Variants in PHTF2 observed in about 807,000 individuals in gnomAD.
PHTF2 encodes the protein putative homeodomain transcription factor 2, also known as protein PHTF2.
A neutral mutation model predicts 101.2 loss-of-function variants in PHTF2; 60 were observed. The ratio of observed to expected loss-of-function variants is 0.59; its 90% CI spans 0.48 to 0.73. The LOEUF (loss-of-function observed/expected upper bound fraction) is 0.73. Among genes scored for constraint, PHTF2 ranks in the 30% least tolerant of loss-of-function variants. The probability of loss-of-function intolerance (pLI) is 0.00; values close to 1 mark genes in which losing one functional copy is unlikely to be tolerated. For synonymous variants in PHTF2, 311 were observed against 307.3 expected (o/e 1.01, Z -0.13); for missense variants, 747 against 908.7 (o/e 0.82, Z 2.29).
intron 16 of PHTF2, among the ~76,000 whole-genome samples, chr7:77,946,949 T>A (rs1343743724): frequency 7.1e-6 from 1 of 141,674 alleles, no homozygotes. Context: ...TGGTGAGACC[T>A]GGTCTCTACA....
At chr7:77,917,747 C>T (rs1803065786) in intron 9 of PHTF2, among the ~76,000 whole-genome samples, 1 of 152,202 alleles carries the variant, frequency 6.6e-6, no homozygotes, top group Admixed American at 6.5e-5. Context: ...CTTTTGCTGT[C>T]CCACTCCACT....
exon 3 of PHTF2, chr7:77,854,770 A>G: frequency 1.3e-6 from 1 of 742,354 alleles, no homozygotes; most frequent in Non-Finnish European, 2.5e-6. Context: ...CCAGGCCCAC[A>G]GCAAGTACTG....
At chr7:77,923,192 GTTC>G in intron 11 of PHTF2, 2 of 933,644 alleles carry the variant, frequency 2.1e-6, no homozygotes, top group Non-Finnish European at 2.6e-6. Context: ...TCAAAATTCA[GTTC>G]TTTTTTCTTT....
intron 3 of PHTF2, among the ~76,000 whole-genome samples, chr7:77,870,755 A>G (rs1486133144): frequency 6.6e-6 from 1 of 152,216 alleles, no homozygotes; most frequent in Non-Finnish European, 1.5e-5. Flanking sequence ...TCCTGAGATC[A>G]TATATAATCT....
chr7:77,829,308 T>A (rs1186650886), intron 1 of PHTF2, among the ~76,000 whole-genome samples: 1 of 152,248 alleles, frequency 6.6e-6, no homozygotes. Flanking sequence ...ATGTATCATC[T>A]TCTAGCCCAA....
intron 7 of PHTF2, among the ~76,000 whole-genome samples, chr7:77,906,855 C>T (rs11979601): frequency 0.11 from 17,272 of 150,626 alleles, 1,253 homozygotes; most frequent in South Asian, 0.2. Flanking sequence ...TTGCAGTGAG[C>T]CGAGATCGCA....
At chr7:77,880,594 T>C (rs1211146998) in intron 3 of PHTF2, among the ~76,000 whole-genome samples, 13 of 152,084 alleles carry the variant, frequency 8.5e-5, no homozygotes, top group Non-Finnish European at 2.9e-5. Flanking sequence ...CTGCTCAGGC[T>C]CTGACTCTCC....
At chr7:77,863,413 GT>G (rs1204203960) in intron 3 of PHTF2, among the ~76,000 whole-genome samples, 1 of 152,132 alleles carries the variant, frequency 6.6e-6, no homozygotes, top group Non-Finnish European at 1.5e-5. Context: ...AATTACTGCT[GT>G]TTTGTCCACT....
At chr7:77,922,995 ATTAT>A in intron 11 of PHTF2, 1 of 1,245,284 alleles carries the variant, frequency 8.0e-7, no homozygotes. Flanking sequence ...CATTTTATGC[ATTAT>A]CTTTGAAGAC....
rs1476788056 is a variant in PHTF2 at position 77,884,774 on chromosome 7, C to CTG, written c.148-8832_148-8831dup. On this transcript the variant is annotated intron_variant, in intron 3 of 19. Transcript: ENST00000416283. ...ATTAGCCGGATGTGGTGGTGGGCAC[C>CTG]TGTAGTCCCAGTTACTCGGGAGGCT... Among the ~76,000 whole-genome samples the CTG allele has an allele frequency of 1.3e-4, 20 of 152,212 alleles. No homozygotes were observed. In the East Asian group the frequency reaches 3.7e-3, roughly 28 times the overall value.
chr7:77,905,377 C>T (rs910801713), intron 7 of PHTF2, among the ~76,000 whole-genome samples: 2 of 152,062 alleles, frequency 1.3e-5, no homozygotes, highest in African/African-American at 4.8e-5. Flanking sequence ...AGGAGCACGC[C>T]ACCATGCCCA....
chr7:77,940,172 A>G (rs1474667419), exon 14 of PHTF2: 1 of 1,613,730 alleles, frequency 6.2e-7, no homozygotes, highest in Non-Finnish European at 8.5e-7. Flanking sequence ...TCAGAACTTT[A>G]TGTGATTGCA....
chr7:77,907,500 A>G (rs893402130), intron 7 of PHTF2, among the ~76,000 whole-genome samples: 1 of 152,154 alleles, frequency 6.6e-6, no homozygotes, highest in African/African-American at 2.4e-5. Context: ...AAAACCCAGG[A>G]AACTAGATAG....
At chr7:77,891,842 T>C (rs1299309302) in intron 3 of PHTF2, among the ~76,000 whole-genome samples, 2 of 151,922 alleles carry the variant, frequency 1.3e-5, no homozygotes, top group Non-Finnish European at 2.9e-5. Flanking sequence ...CACCTCAACC[T>C]CCCAAAGTAC....
At chr7:77,801,312 G>A (rs1412837568) in intron 1 of PHTF2, among the ~76,000 whole-genome samples, 2 of 152,234 alleles carry the variant, frequency 1.3e-5, no homozygotes, top group African/African-American at 2.4e-5. Context: ...CAAGCTGGGT[G>A]CGGTGGCTCA....
At chr7:77,879,143 C>T (rs1799194132) in intron 3 of PHTF2, among the ~76,000 whole-genome samples, 6 of 152,156 alleles carry the variant, frequency 3.9e-5, no homozygotes, top group Admixed American at 2.6e-4. Context: ...CCTTTCAGAC[C>T]ATCTCTTAGT....
chr7:77,904,554 G>A (rs1215915663), intron 7 of PHTF2, among the ~76,000 whole-genome samples: 2 of 152,188 alleles, frequency 1.3e-5, no homozygotes, highest in Non-Finnish European at 2.9e-5. Context: ...CAATGTCAGA[G>A]TTGGTGTCTG....
At chr7:77,861,819 A>C (rs975253721) in intron 3 of PHTF2, among the ~76,000 whole-genome samples, 1 of 152,200 alleles carries the variant, frequency 6.6e-6, no homozygotes, top group African/African-American at 2.4e-5. Context: ...GCACTTTGGG[A>C]GGCCATGGCA....
chr7:77,909,658 A>C (rs2150865391), intron 8 of PHTF2: 1 of 152,716 alleles, frequency 6.5e-6, no homozygotes, highest in Non-Finnish European at 1.5e-5. Context: ...ATGAGCCACC[A>C]CACCTGGCCA....
Sources: allele counts gnomAD v4.1 joint callset (sites outside exome capture counted in the v4.1 genomes callset), GRCh38; gene constraint gnomAD v4.1.1; transcripts MANE v1.5; gene names NCBI Gene and HGNC (gene_info 2026-07-23, HGNC 2026-07-21).